SMARCD3: variants seen among roughly 807,000 people sequenced by gnomAD.
The protein encoded by SMARCD3 is SWI/SNF-related matrix-associated actin-dependent regulator of chromatin subfamily D member 3.
SMARCD3 carries 14 observed loss-of-function variants against 58.0 expected under a neutral mutation model. The ratio of observed to expected loss-of-function variants is 0.24; its 90% CI spans 0.16 to 0.38. The LOEUF is 0.38. Among genes scored for constraint, SMARCD3 ranks in the 10% least tolerant of loss-of-function variants. The pLI is 1.00. For missense variants in SMARCD3, 408 were observed against 636.9 expected (o/e 0.64, Z 3.87); for synonymous variants, 253 against 253.8 (o/e 1.00, Z 0.03).
At position 151,244,229 on chromosome 7, in the gene SMARCD3, AC is replaced by A. The variant is rs370559817; in HGVS notation, c.291-529del. ...CCAGCCACCCTGGGCTTGGAAGAGA[AC>A]GCTGATGGGCTGGGGGTACTCATGC... On this transcript the variant is annotated intron_variant, in intron 2 of 12. Transcript: ENST00000262188. 5.8e-3 allele frequency among the ~76,000 whole-genome samples: 876 copies of A among 152,110 alleles called. 8 individuals are homozygous for A. Among genetic ancestry groups the A allele is most frequent in the African/African-American group, 0.016 (679 of 41,456 alleles).
intron 2 of SMARCD3, among the ~76,000 whole-genome samples, chr7:151,271,137 C>A (rs1208141820): frequency 1.3e-5 from 2 of 152,144 alleles, no homozygotes; most frequent in Admixed American, 1.3e-4. Flanking sequence ...CTGGCCCTCT[C>A]CCCACCCTTC....
intron 1 of SMARCD3, among the ~76,000 whole-genome samples, chr7:151,275,859 G>C (rs972470151): frequency 2.0e-5 from 3 of 152,170 alleles, no homozygotes; most frequent in African/African-American, 4.8e-5. Flanking sequence ...CTGAGCAGAC[G>C]GTGGGGCATG....
rs139186577 is a variant in SMARCD3, at chr7:151,240,201, C to G, written c.1084G>C (p.Val362Leu). 2 of 1,614,120 alleles carry G rather than the reference C, an allele frequency of 1.2e-6. No individual in the cohort carries two copies. Among genetic ancestry groups the G allele is most frequent in the Middle Eastern group, 1.6e-4 (1 of 6,062 alleles). ...QKKTACYDID[V>L]EVEEPLKGQM... ...CCCTTTAATGGCTCCTCCACCTCCA[C>G]GTCAATGTCATAGCACGCCGTCTTC... is the stretch of plus-strand genomic sequence containing the variant. The change falls in exon 10 of 13, where the codon GTG becomes CTG. Residue 362 changes from valine (V) to leucine (L), a missense_variant. Around this residue, in one of 4 missense-constraint regions of SMARCD3, gnomAD observed 115 missense variants for 257.2 expected, o/e 0.45. Transcript: ENST00000262188.
In SMARCD3 at chr7:151,241,236, C is replaced by T. The variant is rs1359631824; in HGVS notation, c.939+256G>A. 5.8e-6 allele frequency: 3 copies of T among 514,122 alleles called. No homozygotes were observed. Among genetic ancestry groups the T allele is most frequent in the East Asian group, 3.7e-5 (1 of 27,310 alleles). The allele number at this position is 514,122 out of a possible 1,614,324, so 31.8% of individuals were successfully genotyped here. Reference sequence around the variant, plus strand: ...GCCAAGAATATTACATTCCAGAAAGCGGTTGGCTTTGTAGGGTTTCCAGGT... The same window carrying T: ...GCCAAGAATATTACATTCCAGAAAGTGGTTGGCTTTGTAGGGTTTCCAGGT... On this transcript the variant is annotated intron_variant, in intron 8 of 12. Transcript: ENST00000262188. This position sits in a 1 kb window ranked among gnomAD's most constrained non-coding sequence, Gnocchi z 5.3.
intron 2 of SMARCD3, among the ~76,000 whole-genome samples, chr7:151,268,590 G>A (rs1428770033): frequency 6.6e-6 from 1 of 152,192 alleles, no homozygotes; most frequent in Non-Finnish European, 1.5e-5. Context: ...TTTGGGCACA[G>A]CAAATTTCTG....
Position 151,241,888 on chromosome 7 carries a change from G to A in SMARCD3, c.766C>T (p.Leu256=), listed in dbSNP as rs1316186421. Residue 256 remains leucine (L), a synonymous_variant, in exon 7 of 13, where the codon CTG becomes TTG. Transcript: ENST00000262188. This position sits in a 1 kb window ranked among gnomAD's most constrained non-coding sequence, Gnocchi z 5.3. ...LSVRCTLLLM[L]DYQPPQFKLD... ...TGGCAGGTGCAGACCTGGTAGTCCA[G>A]CATGAGGAGCAGCGTGCAGCGCACA... 1 of 1,610,114 alleles carries A rather than the reference G, an allele frequency of 6.2e-7. No individual in the cohort carries two copies. Among genetic ancestry groups the A allele is most frequent in the Non-Finnish European group, 8.5e-7 (1 of 1,178,188 alleles).
chr7:151,263,591 T>C (rs563290128), intron 2 of SMARCD3, among the ~76,000 whole-genome samples: 1 of 152,248 alleles, frequency 6.6e-6, no homozygotes, highest in South Asian at 2.1e-4. Context: ...TGTTCCATGG[T>C]TGTTATTATG....
At chr7:151,277,062 G>T (rs1795370380), upstream of SMARCD3, 1 of 149,388 alleles carries the variant, frequency 6.7e-6, no homozygotes, top group Non-Finnish European at 1.5e-5. Context: ...GGGCCGCGCG[G>T]CGCGGGTCGC....
Position 151,242,349 on chromosome 7 carries a change from G to T in SMARCD3, c.580-117C>A. On this transcript the variant is annotated intron_variant, in intron 5 of 12. Transcript: ENST00000262188. The surrounding 1 kb of genome is among the most constrained non-coding windows in gnomAD (Gnocchi z 4.7). ...GCTTAGATGAAATCCTCTGCACTTGGAATGTCTCTAGGCCTGCCCCTCCAC... is the reference window on the plus strand; with the variant it reads ...GCTTAGATGAAATCCTCTGCACTTGTAATGTCTCTAGGCCTGCCCCTCCAC... 2 of 1,438,894 alleles carry T rather than the reference G, an allele frequency of 1.4e-6. No individual in the cohort carries two copies. The highest frequency in any genetic ancestry group is 1.9e-6 in the Non-Finnish European group (2 of 1,029,090). The allele number at this position is 1,438,894 out of a possible 1,614,324, so 89.1% of individuals were successfully genotyped here.
chr7:151,253,453 C>A (rs542763272), upstream of SMARCD3, among the ~76,000 whole-genome samples: 2 of 152,288 alleles, frequency 1.3e-5, no homozygotes, highest in South Asian at 4.1e-4. Flanking sequence ...CAGGCAGGTG[C>A]ATGCGAAGGT....
intron 2 of SMARCD3, among the ~76,000 whole-genome samples, chr7:151,264,830 C>A (rs1563689375): frequency 2.0e-5 from 3 of 152,194 alleles, no homozygotes; most frequent in African/African-American, 4.8e-5. Flanking sequence ...GGCATACTAA[C>A]TGCCCAGGGT....
At chr7:151,258,575 AAAAAAG>A (rs1311252633) in intron 2 of SMARCD3, among the ~76,000 whole-genome samples, 4 of 151,042 alleles carry the variant, frequency 2.6e-5, no homozygotes, top group Non-Finnish European at 4.4e-5. Flanking sequence ...AAAAAAAAAA[AAAAAAG>A]AAAAAGAAAA....
intron 2 of SMARCD3, among the ~76,000 whole-genome samples, chr7:151,261,451 A>G (rs2150609448): frequency 6.6e-6 from 1 of 152,290 alleles, no homozygotes; most frequent in South Asian, 2.1e-4. Context: ...AACCCTGATC[A>G]TGTTACCTGA....
At chr7:151,261,067 T>G (rs1413079728) in intron 2 of SMARCD3, among the ~76,000 whole-genome samples, 1 of 152,068 alleles carries the variant, frequency 6.6e-6, no homozygotes, top group African/African-American at 2.4e-5. Flanking sequence ...GCGGCAGATG[T>G]TGGGGCGCGC....
chr7:151,242,141 A>G lies in SMARCD3; in HGVS notation c.671T>C (p.Val224Ala). Residue 224 changes from valine to alanine, a missense_variant, in exon 6 of 13, where the codon GTT becomes GCT. Coordinates refer to ENST00000262188, the MANE Select transcript of SMARCD3 (RefSeq NM_001003801.2). This position sits in a 1 kb window ranked among gnomAD's most constrained non-coding sequence, Gnocchi z 4.7. ...CGGAGGGGCTCTTGGTCTTACCTCA[A>G]CGAGGTGGTTGTCAGGGCCATAAAG... ...KDLYGPDNHLVEWHRTPTTQE... is the reference protein window; with the variant it reads ...KDLYGPDNHLAEWHRTPTTQE... The G allele has an allele frequency of 6.2e-7, 1 of 1,610,508 alleles. No homozygotes were observed. Among genetic ancestry groups the G allele is most frequent in the Non-Finnish European group, 8.5e-7 (1 of 1,176,734 alleles).
chr7:151,263,765 C>T (rs1401532169), intron 2 of SMARCD3, among the ~76,000 whole-genome samples: 1 of 152,226 alleles, frequency 6.6e-6, no homozygotes, highest in African/African-American at 2.4e-5. Flanking sequence ...CCCATTTCTC[C>T]ATTCTGTCTC....
chr7:151,252,993 G>T (rs1803577278), upstream of SMARCD3, among the ~76,000 whole-genome samples: 2 of 152,222 alleles, frequency 1.3e-5, no homozygotes, highest in Non-Finnish European at 2.9e-5. Context: ...AAATAATGGT[G>T]CGACCTTGGG....
chr7:151,246,644 G>A lies in SMARCD3; in HGVS notation c.79-973C>T, dbSNP rs544516189. Reference sequence around the variant, plus strand: ...AGTGAGGTCAGCAGTCAGGGTTCATGGGGGCTGTGGAGACTGAGAGGAGGC... The same window carrying A: ...AGTGAGGTCAGCAGTCAGGGTTCATAGGGGCTGTGGAGACTGAGAGGAGGC... On this transcript the variant is annotated intron_variant, in intron 1 of 12. Transcript: ENST00000262188. The surrounding 1 kb of genome is among the most constrained non-coding windows in gnomAD (Gnocchi z 4.4). Among the ~76,000 whole-genome samples the A allele has an allele frequency of 4.6e-5, 7 of 152,280 alleles. No homozygotes were observed. In the East Asian group the frequency reaches 7.7e-4, roughly 17 times the overall value.
intron 2 of SMARCD3, among the ~76,000 whole-genome samples, chr7:151,274,109 G>A (rs1343635794): frequency 2.0e-5 from 3 of 152,270 alleles, no homozygotes; most frequent in Non-Finnish European, 4.4e-5. Flanking sequence ...TCTGAGGCCT[G>A]TGTGGTCTGT....
Sources: gnomAD v4.1 joint callset for allele counts (sites outside exome capture counted in the v4.1 genomes callset) on GRCh38, gnomAD v4.1.1 for gene constraint, gnomAD v4.1.1 regional missense constraint, Gnocchi (gnomAD v3.1) non-coding constraint, MANE v1.5 for transcripts, NCBI Gene and HGNC (gene_info 2026-07-23, HGNC 2026-07-21) for gene names.